Variants in PTPRG observed in about 807,000 individuals in gnomAD.
PTPRG encodes protein tyrosine phosphatase receptor type G, also known as receptor-type tyrosine-protein phosphatase gamma.
Under a neutral mutation model 165.3 loss-of-function variants are expected in PTPRG, and 102 were observed. That is an observed-to-expected ratio of 0.62 (90% CI 0.53 to 0.73). PTPRG has a LOEUF of 0.73. Among genes scored for constraint, PTPRG ranks in the 30% least tolerant of loss-of-function variants. PTPRG has a pLI of 0.00. For synonymous variants in PTPRG, 675 were observed against 669.5 expected, an observed-to-expected ratio of 1.01 and a Z score of -0.13; for missense variants, 1,866 against 1,861.4, an observed-to-expected ratio of 1.00 and a Z score of -0.05.
intron 2 of PTPRG, among the ~76,000 whole-genome samples, chr3:61,837,794 A>G (rs562131282): frequency 7.9e-5 from 12 of 152,360 alleles, no homozygotes; most frequent in African/African-American, 2.4e-4. Context: ...GTGACTTAAC[A>G]GAAATTTGCT....
At chr3:61,732,046 CA>C (rs1179401883) in intron 1 of PTPRG, among the ~76,000 whole-genome samples, 1 of 151,886 alleles carries the variant, frequency 6.6e-6, no homozygotes, top group Non-Finnish European at 1.5e-5. Context: ...TCAGGTGATC[CA>C]CCTGCCTTGG....
chr3:61,661,595 G>T (rs1702670062), intron 1 of PTPRG, among the ~76,000 whole-genome samples: 1 of 152,118 alleles, frequency 6.6e-6, no homozygotes, highest in South Asian at 2.1e-4. Flanking sequence ...AGAAATTAAA[G>T]AACAAGTTTA....
chr3:61,903,933 C>A (rs1472589782), intron 2 of PTPRG, among the ~76,000 whole-genome samples: 1 of 152,126 alleles, frequency 6.6e-6, no homozygotes, highest in Admixed American at 6.5e-5. Context: ...TATGTCTGTT[C>A]TGTCTTCTCA....
At chr3:62,275,816 A>G in intron 23 of PTPRG, 57 bp from the exon 24 acceptor site, 9 of 1,335,582 alleles carry the variant, frequency 6.7e-6, no homozygotes, top group Non-Finnish European at 9.4e-6. Context: ...CAAAGCATCA[A>G]GCAAATGCTA....
At position 62,229,476 on chromosome 3, in the gene PTPRG, C is replaced by T. The variant is rs770484943; in HGVS notation, c.2289-1749C>T. On this transcript the variant is annotated intron_variant, in intron 13 of 29. Transcript: ENST00000474889. The surrounding 1 kb of genome is among the most constrained non-coding windows in gnomAD (Gnocchi z 4.6). ...CTAACACATAGTCATTAGACAAAAG[C>T]GGAAAGAGATTCACTGCTAAAGGTT... Among the ~76,000 whole-genome samples, 2 of 152,128 alleles carry T rather than the reference C, an allele frequency of 1.3e-5. No homozygotes were observed. Among genetic ancestry groups the T allele is most frequent in the Admixed American group, 6.5e-5 (1 of 15,270 alleles).
At chr3:62,028,315 AT>A (rs2107776174) in intron 4 of PTPRG, among the ~76,000 whole-genome samples, 1 of 152,292 alleles carries the variant, frequency 6.6e-6, no homozygotes, top group African/African-American at 2.4e-5. Context: ...TGATACGCTA[AT>A]TACAGCCTAT....
At chr3:61,749,137 C>T in intron 2 of PTPRG, 155 bp downstream of exon 2, 2 of 734,952 alleles carry the variant, frequency 2.7e-6, no homozygotes, top group Non-Finnish European at 4.8e-6. Flanking sequence ...CCTGTTTTTC[C>T]TCAAGGTTAT....
intron 5 of PTPRG, among the ~76,000 whole-genome samples, chr3:62,116,114 G>C (rs1702857754): frequency 6.6e-6 from 1 of 152,122 alleles, no homozygotes; most frequent in South Asian, 2.1e-4. Context: ...TAAGTTACTT[G>C]CCCAAAGTCA....
chr3:61,940,732 T>G (rs1023085660), intron 2 of PTPRG, among the ~76,000 whole-genome samples: 1 of 151,538 alleles, frequency 6.6e-6, no homozygotes, highest in African/African-American at 2.4e-5. Flanking sequence ...GGCGCGATCT[T>G]GGCTCACTGC....
At chr3:61,836,601 GATA>G (rs1317479506) in intron 2 of PTPRG, among the ~76,000 whole-genome samples, 1 of 152,224 alleles carries the variant, frequency 6.6e-6, no homozygotes, top group African/African-American at 2.4e-5. Context: ...AGGAATATCA[GATA>G]ATAATATCTA....
At chr3:61,937,779 A>T (rs1484793986) in intron 2 of PTPRG, among the ~76,000 whole-genome samples, 2 of 152,058 alleles carry the variant, frequency 1.3e-5, no homozygotes, top group Admixed American at 1.3e-4. Context: ...TGCCACTTCC[A>T]CCTCCCAGCT....
At chr3:61,636,965 C>T (rs1463627275) in intron 1 of PTPRG, among the ~76,000 whole-genome samples, 36 of 152,138 alleles carry the variant, frequency 2.4e-4, no homozygotes, top group Non-Finnish European at 4.4e-5. Context: ...ACCTTGGGTA[C>T]TATGCCAATT....
At chr3:61,971,641 A>G (rs1373522552) in intron 2 of PTPRG, among the ~76,000 whole-genome samples, 1 of 152,234 alleles carries the variant, frequency 6.6e-6, no homozygotes, top group Non-Finnish European at 1.5e-5. Context: ...TTTTATAACA[A>G]GAGAGGAGAT....
intron 6 of PTPRG, among the ~76,000 whole-genome samples, chr3:62,155,893 C>T (rs1037435300): frequency 6.6e-6 from 1 of 151,998 alleles, no homozygotes; most frequent in East Asian, 1.9e-4. Context: ...ACCCTGTTCC[C>T]GGGGCTGGTG....
chr3:61,833,882 A>G lies in PTPRG; in HGVS notation c.190+84900A>G, dbSNP rs139873054. Among the ~76,000 whole-genome samples, 175 of 152,274 alleles carry G rather than the reference A, an allele frequency of 1.1e-3. 1 individual carries two copies. Among genetic ancestry groups the G allele is most frequent in the African/African-American group, 3.9e-3 (162 of 41,562 alleles). ...GCCCAGCCGTGTTGAAGTGTTTTCT[A>G]TGGAAGCTCATCTTTGAAAGGAGAG... On this transcript the variant is annotated intron_variant, in intron 2 of 29. Coordinates refer to ENST00000474889, the MANE Select transcript of PTPRG (RefSeq NM_002841.4).
chr3:62,169,448 A>C (rs1223817320), intron 8 of PTPRG, among the ~76,000 whole-genome samples: 1 of 152,012 alleles, frequency 6.6e-6, no homozygotes, highest in African/African-American at 2.4e-5. Context: ...TAAGTTTATC[A>C]TTTTCAGGCA....
chr3:62,072,312 G>A lies in PTPRG; in HGVS notation c.520-5851G>A, dbSNP rs186781249. Among the ~76,000 whole-genome samples, 10 of 152,246 alleles carry A rather than the reference G, an allele frequency of 6.6e-5. No individual in the cohort carries two copies. The East Asian group carries it at 1.9e-3, about 29-fold the overall frequency. On this transcript the variant is annotated intron_variant, in intron 4 of 29. Transcript: ENST00000474889. ...GACATGTTTCCTGGTCGATGATGAT[G>A]CTTTTAATGTGAGTTGTTTTGCCCC... is the stretch of plus-strand genomic sequence containing the variant.
At chr3:61,617,509 C>T (rs1157708116) in intron 1 of PTPRG, among the ~76,000 whole-genome samples, 2 of 152,220 alleles carry the variant, frequency 1.3e-5, no homozygotes, top group Non-Finnish European at 1.5e-5. Flanking sequence ...AGATACAGAA[C>T]TTCCAAGAAC....
chr3:61,846,235 T>G (rs963748028), intron 2 of PTPRG, among the ~76,000 whole-genome samples: 6 of 152,360 alleles, frequency 3.9e-5, no homozygotes, highest in African/African-American at 1.4e-4. Flanking sequence ...ATTGTTACAT[T>G]GTTAAGGCTT....
Sources: gnomAD v4.1 joint callset for allele counts (sites outside exome capture counted in the v4.1 genomes callset) on GRCh38, gnomAD v4.1.1 for gene constraint, Gnocchi (gnomAD v3.1) non-coding constraint, MANE v1.5 for transcripts, NCBI Gene and HGNC (gene_info 2026-07-23, HGNC 2026-07-21) for gene names.